Variants in CENPO observed in about 807,000 individuals in gnomAD.
CENPO encodes the protein centromere protein O, also known as centromeric protein O.
A neutral mutation model predicts 36.1 loss-of-function variants in CENPO; 30 were observed. The observed-to-expected ratio is 0.83, with a 90% CI of 0.62 to 1.13. The LOEUF (loss-of-function observed/expected upper bound fraction) is 1.13. Among genes scored for constraint, CENPO ranks in the 50% most tolerant of loss-of-function variants. The probability of loss-of-function intolerance (pLI) is 0.00; values close to 1 mark genes in which losing one functional copy is unlikely to be tolerated. For missense variants in CENPO, 349 were observed against 357.8 expected, an observed-to-expected ratio of 0.98 and a Z score of 0.20; for synonymous variants, 171 against 142.3, an observed-to-expected ratio of 1.20 and a Z score of -1.44.
chr2:24,816,929 T>TA (rs1251235706), intron 6 of CENPO, 112 bp downstream of exon 6: 24 of 1,000,006 alleles, frequency 2.4e-5, no homozygotes, highest in Non-Finnish European at 3.3e-5. Context: ...TCTCTGTTTA[T>TA]ATACTGTACA....
At chr2:24,795,499 A>G (rs1417146634) in intron 2 of CENPO, among the ~76,000 whole-genome samples, 1 of 152,160 alleles carries the variant, frequency 6.6e-6, no homozygotes, top group Non-Finnish European at 1.5e-5. Context: ...CTAAACAACA[A>G]CGCTACCCCC....
In CENPO at chr2:24,822,375, T is replaced by C. The variant is rs3179014; in HGVS notation, c.*3057T>C. 1 of 1,241,824 alleles carries C rather than the reference T, an allele frequency of 8.1e-7. No homozygotes were observed. 76.9% of individuals were successfully genotyped at this position (1,241,824 alleles called of 1,614,324 possible). A position where few individuals can be genotyped will look rare whatever the true frequency, so the allele number is the denominator to read the frequency against. ...CTCAATAAACCCTATTTCTTATTTA[T>C]ATTTACGTGGTGCTGGTGGTGTGTG... On this transcript the variant is annotated 3_prime_UTR_variant, in exon 8 of 8. Transcript: ENST00000380834.
At chr2:24,804,561 G>T (rs964109456) in intron 3 of CENPO, among the ~76,000 whole-genome samples, 3 of 152,148 alleles carry the variant, frequency 2.0e-5, no homozygotes, top group East Asian at 3.9e-4. Context: ...GTCTGTAAAG[G>T]ATTTTATTTC....
Position 24,799,678 on chromosome 2 carries a change from T to C in CENPO, c.50T>C (p.Val17Ala), listed in dbSNP as rs769179014. The change falls in exon 3 of 8, where the codon GTT (valine) becomes GCT (alanine). Residue 17 changes from valine to alanine, a missense_variant. Physicochemically the swap from Val to Ala is moderately conservative, Grantham distance 64. Coordinates refer to ENST00000380834, the MANE Select transcript of CENPO (RefSeq NM_001322101.2). ...ATTCTCCTTTTACTCTCCTTAGGTGTTTTAGCTCACTTGGAAAGGCTAGAG... is the reference window on the plus strand; with the variant it reads ...ATTCTCCTTTTACTCTCCTTAGGTGCTTTAGCTCACTTGGAAAGGCTAGAG... ...LRPDGESKGG[V>A]LAHLERLETQ... 1.2e-5 allele frequency: 20 copies of C among 1,611,204 alleles called. No homozygotes were observed. Among genetic ancestry groups the C allele is most frequent in the Non-Finnish European group, 1.6e-5 (19 of 1,178,450 alleles).
intron 1 of CENPO, 103 bp downstream of exon 1, chr2:24,793,604 G>C: frequency 2.8e-6 from 4 of 1,446,944 alleles, no homozygotes; most frequent in Non-Finnish European, 3.7e-6. Flanking sequence ...CCGTGGCCGG[G>C]AAGCCCGCTG....
chr2:24,798,400 G>T (rs772071200), intron 2 of CENPO, among the ~76,000 whole-genome samples: 1 of 152,128 alleles, frequency 6.6e-6, no homozygotes, highest in African/African-American at 2.4e-5. Context: ...AAAGCAAGGG[G>T]ATAGGCCTCA....
chr2:24,812,452 A>G (rs1421003805), intron 3 of CENPO, among the ~76,000 whole-genome samples: 1 of 151,384 alleles, frequency 6.6e-6, no homozygotes, highest in Non-Finnish European at 1.5e-5. Context: ...GATGTTTTTC[A>G]TCTGTTTTAC....
At chr2:24,811,475 T>G (rs1326383048) in intron 3 of CENPO, among the ~76,000 whole-genome samples, 4 of 151,014 alleles carry the variant, frequency 2.6e-5, no homozygotes, top group East Asian at 1.9e-4. Context: ...TTTGTTTTTT[T>G]TTTTGAGACG....
chr2:24,808,564 T>C (rs540084847), intron 3 of CENPO, among the ~76,000 whole-genome samples: 27 of 152,326 alleles, frequency 1.8e-4, no homozygotes, highest in Non-Finnish European at 3.4e-4. Flanking sequence ...AATCATGATA[T>C]TATGATATTA....
In CENPO at chr2:24,821,428, T is replaced by C; in HGVS notation, c.*2110T>C. The C allele has an allele frequency of 3.9e-6, 6 of 1,553,888 alleles. No homozygotes were observed. Among genetic ancestry groups the C allele is most frequent in the Non-Finnish European group, 5.2e-6 (6 of 1,144,988 alleles). On this transcript the variant is annotated 3_prime_UTR_variant, in exon 8 of 8. Transcript: ENST00000380834. ...CTCCCCACCCGAATTGCCTCAGTTGTCCTGAGCCTCATGTCTCTCCTGGTG... is the reference window on the plus strand; with the variant it reads ...CTCCCCACCCGAATTGCCTCAGTTGCCCTGAGCCTCATGTCTCTCCTGGTG...
At position 24,820,449 on chromosome 2, in the gene CENPO, C is replaced by T. The variant is rs892033958; in HGVS notation, c.*1131C>T. 5.6e-5 allele frequency: 74 copies of T among 1,325,350 alleles called. No individual in the cohort carries two copies. Among genetic ancestry groups the T allele is most frequent in the Admixed American group, 2.8e-4 (8 of 28,192 alleles). The allele number at this position is 1,325,350 out of a possible 1,614,324, so 82.1% of individuals were successfully genotyped here. ...TTTCGTGGAGCTTTTCTGCCAGACG[C>T]CACTGAGACAGATCACAAGGTATTA... On this transcript the variant is annotated 3_prime_UTR_variant, in exon 8 of 8. Coordinates refer to ENST00000380834, the MANE Select transcript of CENPO (RefSeq NM_001322101.2).
At chr2:24,805,820 C>T (rs1666376063) in intron 3 of CENPO, among the ~76,000 whole-genome samples, 1 of 152,334 alleles carries the variant, frequency 6.6e-6, no homozygotes, top group Admixed American at 6.5e-5. Flanking sequence ...CCTCCAGCTG[C>T]GTGCTGGGAG....
chr2:24,813,150 G>A (rs1022179842), intron 3 of CENPO, among the ~76,000 whole-genome samples: 2 of 152,074 alleles, frequency 1.3e-5, no homozygotes, highest in African/African-American at 4.8e-5. Context: ...GGAGGCTGAG[G>A]GAGGAGAATG....
intron 3 of CENPO, among the ~76,000 whole-genome samples, chr2:24,801,629 A>G (rs918896190): frequency 1.4e-4 from 22 of 152,200 alleles, no homozygotes; most frequent in African/African-American, 5.3e-4. Context: ...CAAAGATCAG[A>G]TAGTTGTAGA....
At chr2:24,794,910 GAGCGCGTCAGTGAATTTGGTTATCC>G (rs1665820702) in intron 2 of CENPO, among the ~76,000 whole-genome samples, 1 of 152,170 alleles carries the variant, frequency 6.6e-6, no homozygotes, top group African/African-American at 2.4e-5. Flanking sequence ...AAGAATTTCT[GAGCGCGTCAGTGAATTTGGTTATCC>G]TATTTTTCTC....
At chr2:24,808,650 T>C (rs1056802965) in intron 3 of CENPO, among the ~76,000 whole-genome samples, 3 of 152,212 alleles carry the variant, frequency 2.0e-5, no homozygotes, top group African/African-American at 7.2e-5. Flanking sequence ...ATTTGTGGTA[T>C]ATATTGATTG....
rs777537972 is a variant in CENPO at position 24,793,440 on chromosome 2, G to C, written c.-130G>C. The C allele has an allele frequency of 5.6e-6, 9 of 1,606,086 alleles. No homozygotes were observed. The highest frequency in any genetic ancestry group is 7.7e-6 in the Non-Finnish European group (9 of 1,175,916). On this transcript the variant is annotated 5_prime_UTR_variant, in exon 1 of 8. Transcript: ENST00000380834. ...TTTGTACGGCAGGATCGCAAAGCAC[G>C]CCGGGACCGGTTGGTTTGGTTTTGA...
intron 2 of CENPO, among the ~76,000 whole-genome samples, 188 bp from the exon 3 acceptor site, chr2:24,799,487 T>C (rs1418244440): frequency 2.0e-5 from 3 of 152,004 alleles, no homozygotes; most frequent in South Asian, 2.1e-4. Flanking sequence ...ACCTAGGAGG[T>C]TGATGATCTT....
rs1011548025 is a variant in CENPO, at chr2:24,821,057, C to G, written c.*1739C>G. On this transcript the variant is annotated 3_prime_UTR_variant, in exon 8 of 8. Transcript: ENST00000380834. ...TAGGTGTCAGCCGCCACCCCCCCCC[C>G]ATATGCAGATTTACTCGGCATGGTA... The G allele has an allele frequency of 1.4e-5, 9 of 635,664 alleles. No homozygotes were observed. Among genetic ancestry groups the G allele is most frequent in the African/African-American group, 5.6e-5 (3 of 53,516 alleles). 39.4% of individuals were successfully genotyped at this position (635,664 alleles called of 1,614,324 possible).
Sources: gnomAD v4.1 joint callset for allele counts (sites outside exome capture counted in the v4.1 genomes callset) on GRCh38, gnomAD v4.1.1 for gene constraint, MANE v1.5 for transcripts, NCBI Gene and HGNC (gene_info 2026-07-23, HGNC 2026-07-21) for gene names.